Variants in AGTPBP1 observed in about 807,000 individuals in gnomAD.
AGTPBP1 encodes the protein cytosolic carboxypeptidase 1.
A neutral mutation model predicts 143.9 loss-of-function variants in AGTPBP1; 70 were observed. The ratio of observed to expected loss-of-function variants is 0.49; its 90% CI spans 0.40 to 0.59. The LOEUF is 0.59. Ranked by LOEUF, AGTPBP1 falls within the 20% of genes least tolerant of loss-of-function variation. The pLI, the probability that AGTPBP1 is intolerant of heterozygous loss-of-function variation, is 0.00. For synonymous variants in AGTPBP1, 463 were observed against 500.2 expected (o/e 0.93, Z 0.99); for missense variants, 1,229 against 1,464.5 (o/e 0.84, Z 2.62).
upstream of AGTPBP1, chr9:85,742,171 C>G (rs1287675962): frequency 2.7e-6 from 1 of 375,952 alleles, no homozygotes. Context: ...CGCGTGGGGG[C>G]GGAGCGCGCA....
chr9:85,596,404 C>T lies in AGTPBP1; in HGVS notation c.2381G>A (p.Arg794Lys). Residue 794 changes from arginine (R) to lysine (K), a missense_variant, in exon 18 of 26, where the codon AGA becomes AAA. Physicochemically the swap from Arg to Lys is conservative, Grantham distance 26. Around this residue, in one of 2 missense-constraint regions of AGTPBP1, gnomAD observed 486 missense variants for 652.3 expected, o/e 0.75. Transcript: ENST00000357081. ...AGTCCCCATACGAATCCACCATGGT[C>T]TGGCATTTAATGCTTCCTGAACCGA... is the stretch of plus-strand genomic sequence containing the variant. ...MYSVQEALNARPWWIRMGTDI... is the reference protein window; with the variant it reads ...MYSVQEALNAKPWWIRMGTDI... 4.3e-6 allele frequency: 7 copies of T among 1,611,426 alleles called. No individual in the cohort carries two copies. Among genetic ancestry groups the T allele is most frequent in the Non-Finnish European group, 5.9e-6 (7 of 1,178,958 alleles).
At chr9:85,556,372 C>T (rs1271537870) in intron 25 of AGTPBP1, among the ~76,000 whole-genome samples, 1 of 151,416 alleles carries the variant, frequency 6.6e-6, no homozygotes, top group Non-Finnish European at 1.5e-5. Context: ...TATAGAGAGA[C>T]AAAATTGGAA....
At chr9:85,752,526 A>G in the AGTPBP1 span, among the ~76,000 whole-genome samples, 20 of 152,324 alleles carry the variant, frequency 1.3e-4, no homozygotes, top group Middle Eastern at 3.4e-3. Flanking sequence ...AACACTCACG[A>G]AGAATGAAAA....
At position 85,578,996 on chromosome 9, in the gene AGTPBP1, A is replaced by C. The variant is rs574586727; in HGVS notation, c.3266T>G (p.Val1089Gly). The part of the protein sequence containing the change: ...KSKESTARVV[V>G]WREIGVQRSY... ...TCTTTGTACTCCTATTTCCCTCCAA[A>C]CTACAACACGTGCTGTGGATTCTTT... Residue 1089 changes from valine (V) to glycine (G), a missense_variant, in exon 24 of 26, where the codon GTT (valine) becomes GGT (glycine). Coordinates refer to ENST00000357081, the MANE Select transcript of AGTPBP1 (RefSeq NM_001330701.2). 6.2e-7 allele frequency: 1 copy of C among 1,612,808 alleles called. No homozygotes were observed. The highest frequency in any genetic ancestry group is 1.7e-5 in the Admixed American group (1 of 59,690).
the AGTPBP1 span, among the ~76,000 whole-genome samples, chr9:85,761,831 G>A: frequency 2.0e-3 from 306 of 152,238 alleles, 1 homozygote; most frequent in Non-Finnish European, 3.3e-3. Context: ...GTCAGAGTGA[G>A]CAGGCAAACT....
intron 11 of AGTPBP1, among the ~76,000 whole-genome samples, chr9:85,646,643 C>T (rs913986044): frequency 3.3e-5 from 5 of 152,156 alleles, no homozygotes; most frequent in Non-Finnish European, 7.4e-5. Context: ...GTGAATTTTA[C>T]TAATGTTCTC....
intron 2 of AGTPBP1, among the ~76,000 whole-genome samples, chr9:85,710,681 C>G (rs961162944): frequency 6.6e-6 from 1 of 151,228 alleles, no homozygotes; most frequent in African/African-American, 2.4e-5. Context: ...TACCCTACAA[C>G]AACAACAACA....
intron 25 of AGTPBP1, among the ~76,000 whole-genome samples, chr9:85,555,688 C>T (rs1421748792): frequency 6.6e-6 from 1 of 152,048 alleles, no homozygotes; most frequent in Non-Finnish European, 1.5e-5. Flanking sequence ...GCGAGGGGGG[C>T]GAGGTGGCAC....
chr9:85,561,017 A>G (rs1356791745), intron 25 of AGTPBP1, among the ~76,000 whole-genome samples: 1 of 152,202 alleles, frequency 6.6e-6, no homozygotes, highest in East Asian at 1.9e-4. Flanking sequence ...AATCATATCT[A>G]TGTAAAGCTC....
Position 85,619,085 on chromosome 9 carries a change from A to G in AGTPBP1, c.2233T>C (p.Tyr745His). 6.2e-7 allele frequency: 1 copy of G among 1,613,738 alleles called. No individual in the cohort carries two copies. The highest frequency in any genetic ancestry group is 8.5e-7 in the Non-Finnish European group (1 of 1,179,784). ...ACTTCAAAGTAAAACCACTGATGAT[A>G]ATGATTGCTGTTTATGTCTGAGTTC... The part of the protein sequence containing the change: ...ILNSDINSNH[Y>H]HQWFYFEVSG... Residue 745 changes from tyrosine (Y) to histidine (H), a missense_variant, in exon 17 of 26, where the codon TAT becomes CAT. By Grantham distance (83) the Tyr-to-His change is moderately conservative. Around this residue, in one of 2 missense-constraint regions of AGTPBP1, gnomAD observed 486 missense variants for 652.3 expected, o/e 0.75. Coordinates refer to ENST00000357081, the MANE Select transcript of AGTPBP1 (RefSeq NM_001330701.2).
intron 13 of AGTPBP1, 129 bp from the exon 14 acceptor site, chr9:85,633,503 T>C (rs1324331257): frequency 3.0e-6 from 2 of 664,850 alleles, no homozygotes; most frequent in Non-Finnish European, 4.5e-6. Flanking sequence ...AAACCGGATA[T>C]GTTTTCATTT....
intron 25 of AGTPBP1, among the ~76,000 whole-genome samples, chr9:85,574,610 A>G (rs2080233626): frequency 6.6e-6 from 1 of 152,176 alleles, no homozygotes; most frequent in Non-Finnish European, 1.5e-5. Flanking sequence ...AAGGAATGCT[A>G]AATTAGCTGT....
chr9:85,718,076 C>T (rs927055674), intron 1 of AGTPBP1, among the ~76,000 whole-genome samples: 33 of 152,166 alleles, frequency 2.2e-4, no homozygotes, highest in Non-Finnish European at 1.5e-5. Flanking sequence ...TCCAGTCTAT[C>T]ACTGATAGAC....
chr9:85,558,510 A>G (rs1164638040), intron 25 of AGTPBP1, among the ~76,000 whole-genome samples: 55 of 152,212 alleles, frequency 3.6e-4, no homozygotes, highest in Admixed American at 3.6e-3. Context: ...CTAGATCCAA[A>G]TAGTATTTTT....
At chr9:85,585,383 G>T in intron 23 of AGTPBP1, 80 bp downstream of exon 23, 1 of 1,268,208 alleles carries the variant, frequency 7.9e-7, no homozygotes, top group Non-Finnish European at 1.0e-6. Context: ...TATTGAATGT[G>T]AGTAGTTCAT....
At chr9:85,718,898 T>A (rs949616662) in intron 1 of AGTPBP1, among the ~76,000 whole-genome samples, 2 of 152,180 alleles carry the variant, frequency 1.3e-5, no homozygotes, top group African/African-American at 4.8e-5. Context: ...GCTCGCCAGT[T>A]TTCCCAACAC....
chr9:85,713,126 A>G (rs569431794), intron 1 of AGTPBP1, among the ~76,000 whole-genome samples: 2 of 152,360 alleles, frequency 1.3e-5, no homozygotes, highest in Non-Finnish European at 2.9e-5. Flanking sequence ...CTTCAAGTTT[A>G]TTTTGCAACT....
rs146718135 is a variant in AGTPBP1, at chr9:85,590,480, C to A, written c.2569-799G>T. Among the ~76,000 whole-genome samples the A allele has an allele frequency of 4.6e-5, 7 of 152,186 alleles. No homozygotes were observed. In the South Asian group the frequency reaches 1.0e-3, roughly 23 times the overall value. On this transcript the variant is annotated intron_variant, in intron 19 of 25. Transcript: ENST00000357081. ...TTATACCAAAAATAAATTGTTCAAT[C>A]CCCCATTTTTTAGATATTCAGTTGG...
chr9:85,736,995 A>G (rs1442019853), intron 1 of AGTPBP1, among the ~76,000 whole-genome samples: 1 of 152,150 alleles, frequency 6.6e-6, no homozygotes, highest in Non-Finnish European at 1.5e-5. Context: ...AGTCCCAGCT[A>G]CTCGGGAGGC....
Sources: gnomAD v4.1 joint callset for allele counts (sites outside exome capture counted in the v4.1 genomes callset) on GRCh38, gnomAD v4.1.1 for gene constraint, gnomAD v4.1.1 regional missense constraint, MANE v1.5 for transcripts, NCBI Gene and HGNC (gene_info 2026-07-23, HGNC 2026-07-21) for gene names.